The following UBXN4 variants were observed in gnomAD, a reference collection of about 807,000 sequenced individuals.
UBXN4 encodes UBX domain protein 4.
Under a neutral mutation model 66.2 loss-of-function variants are expected in UBXN4, and 35 were observed. The ratio of observed to expected loss-of-function variants is 0.53; its 90% CI spans 0.40 to 0.70. The LOEUF is 0.70. UBXN4 is among the 30% of genes least tolerant of loss of function. UBXN4 has a pLI of 0.00. For synonymous variants in UBXN4, 203 were observed against 204.5 expected (o/e 0.99, Z 0.06); for missense variants, 533 against 599.8 (o/e 0.89, Z 1.16).
chr2:135,777,472 T>G (rs928409712), intron 10 of UBXN4, among the ~76,000 whole-genome samples: 1 of 152,178 alleles, frequency 6.6e-6, no homozygotes, highest in African/African-American at 2.4e-5. Context: ...CCCAAATAGG[T>G]GCTTTCATTC....
rs772327359 is a variant in UBXN4, at chr2:135,778,966, G to A, written c.1072G>A (p.Gly358Ser). ...TTTACAGACTGTTGGCAACACTTAC[G>A]GTAATTTTTCGTTAGCAACCATGTT... The part of the protein sequence containing the change: ...FAAQTVGNTY[G>S]NFSLATMFPR... Residue 358 changes from glycine to serine, a missense_variant, in exon 11 of 13, where the codon GGT becomes AGT. By Grantham distance (56) the Gly-to-Ser change is moderately conservative (BLOSUM62 0). Transcript: ENST00000272638. The A allele has an allele frequency of 1.9e-5, 30 of 1,611,988 alleles. No individual in the cohort carries two copies. In the East Asian group the frequency reaches 3.8e-4, roughly 20 times the overall value.
At chr2:135,754,792 T>C (rs1434910742) in intron 4 of UBXN4, among the ~76,000 whole-genome samples, 1 of 152,076 alleles carries the variant, frequency 6.6e-6, no homozygotes, top group Non-Finnish European at 1.5e-5. Context: ...CCTTTCTTTA[T>C]TTTTTTATTT....
chr2:135,762,545 TAGAG>T (rs915659557), intron 6 of UBXN4, among the ~76,000 whole-genome samples: 2 of 152,204 alleles, frequency 1.3e-5, no homozygotes, highest in African/African-American at 2.4e-5. Context: ...AAACCTTCCT[TAGAG>T]AGACTTGATA....
chr2:135,747,292 G>T (rs1354825920), intron 1 of UBXN4, among the ~76,000 whole-genome samples: 1 of 139,360 alleles, frequency 7.2e-6, no homozygotes, highest in African/African-American at 2.7e-5. Flanking sequence ...AGATTGCAAT[G>T]AGCCAAGATT....
In UBXN4 at chr2:135,784,426, A is replaced by G. The variant is rs541361937; in HGVS notation, c.*1539A>G. ...GTACAGTGTGATCTCAGCTTTGCAA[A>G]CACATTTTCTACATAGATAGTACTA... On this transcript the variant is annotated 3_prime_UTR_variant, in exon 13 of 13. Coordinates refer to ENST00000272638, the MANE Select transcript of UBXN4 (RefSeq NM_014607.4). 6.6e-6 allele frequency: 1 copy of G among 152,276 alleles called. No homozygotes were observed. Among genetic ancestry groups the G allele is most frequent in the South Asian group, 2.1e-4 (1 of 4,830 alleles). The allele number at this position is 152,276 out of a possible 1,614,324, so 9.4% of individuals were successfully genotyped here.
chr2:135,779,465 C>T (rs2077436691), intron 11 of UBXN4, among the ~76,000 whole-genome samples: 1 of 152,138 alleles, frequency 6.6e-6, no homozygotes, highest in African/African-American at 2.4e-5. Flanking sequence ...ATTTGATCTG[C>T]ACAACAATAT....
rs199762434 is a variant in UBXN4 at position 135,778,143 on chromosome 2, C to G, written c.1054-805C>G. 2.0e-5 allele frequency among the ~76,000 whole-genome samples: 3 copies of G among 146,842 alleles called. No individual in the cohort carries two copies. In the East Asian group the frequency reaches 6.0e-4, roughly 30 times the overall value. ...AGTGAGCCAAGATCGCGCCACTGCACTCCAGCCTGGGCGACAGAGCAAGAC... is the reference window on the plus strand; with the variant it reads ...AGTGAGCCAAGATCGCGCCACTGCAGTCCAGCCTGGGCGACAGAGCAAGAC... On this transcript the variant is annotated intron_variant, in intron 10 of 12. Transcript: ENST00000272638.
chr2:135,753,080 A>G (rs1176901067), intron 2 of UBXN4, among the ~76,000 whole-genome samples: 3 of 133,914 alleles, frequency 2.2e-5, no homozygotes, highest in East Asian at 4.6e-4. Context: ...CTGGAGTGCA[A>G]TGGTGCAATC....
In UBXN4 at chr2:135,742,030, C is replaced by T. The variant is rs2077177114; in HGVS notation, c.82+19C>T. The T allele has an allele frequency of 1.9e-6, 3 of 1,610,860 alleles. No homozygotes were observed. Among genetic ancestry groups the T allele is most frequent in the Non-Finnish European group, 2.5e-6 (3 of 1,178,748 alleles). On this transcript the variant is annotated intron_variant, in intron 1 of 12. Coordinates refer to ENST00000272638, the MANE Select transcript of UBXN4 (RefSeq NM_014607.4). ...GTGGCAGGTGAAGGAGGCAGGGGTTCGAGAGGCGGCCGGGACACCCCTCCG... is the reference window on the plus strand; with the variant it reads ...GTGGCAGGTGAAGGAGGCAGGGGTTTGAGAGGCGGCCGGGACACCCCTCCG...
At chr2:135,776,395 T>A in intron 10 of UBXN4, 44 bp downstream of exon 10, 1 of 1,528,822 alleles carries the variant, frequency 6.5e-7, no homozygotes, top group East Asian at 2.3e-5. Flanking sequence ...ATGTGTAGGT[T>A]ACTAAATTAT....
chr2:135,760,566 A>G (rs978968100), intron 5 of UBXN4, among the ~76,000 whole-genome samples: 2 of 152,232 alleles, frequency 1.3e-5, no homozygotes. Flanking sequence ...ATTATGAGTC[A>G]TAGATTCACC....
At position 135,741,952 on chromosome 2, in the gene UBXN4, T is replaced by G. The variant is rs1218761747; in HGVS notation, c.23T>G (p.Ile8Ser). MLWFQGA[I>S]PAAIATAKRS... Reference sequence around the variant, plus strand: ...GCGATGCTGTGGTTCCAGGGCGCCATTCCGGCCGCCATCGCGACGGCCAAA... The same window carrying G: ...GCGATGCTGTGGTTCCAGGGCGCCAGTCCGGCCGCCATCGCGACGGCCAAA... Residue 8 changes from isoleucine to serine, a missense_variant, in exon 1 of 13, where the codon ATT becomes AGT. This residue lies in a region of UBXN4 where 529 missense variants were observed against 580.1 expected (regional missense o/e 0.91). Coordinates refer to ENST00000272638, the MANE Select transcript of UBXN4 (RefSeq NM_014607.4). 3 of 1,613,086 alleles carry G rather than the reference T, an allele frequency of 1.9e-6. No homozygotes were observed. Among genetic ancestry groups the G allele is most frequent in the Non-Finnish European group, 1.7e-6 (2 of 1,179,630 alleles).
At chr2:135,753,894 G>C (rs538042745) in intron 3 of UBXN4, 16 of 460,058 alleles carry the variant, frequency 3.5e-5, no homozygotes, top group African/African-American at 2.8e-4. Context: ...GCTTGCAAGA[G>C]GCAGCTGGCA....
chr2:135,750,633 A>G (rs943835825), intron 2 of UBXN4, among the ~76,000 whole-genome samples: 1 of 152,132 alleles, frequency 6.6e-6, no homozygotes, highest in Non-Finnish European at 1.5e-5. Flanking sequence ...CACAACAGTT[A>G]CTGAACTATG....
At chr2:135,758,966 C>T (rs1405891151) in intron 5 of UBXN4, among the ~76,000 whole-genome samples, 5 of 152,078 alleles carry the variant, frequency 3.3e-5, no homozygotes, top group African/African-American at 4.8e-5. Context: ...ACCATGTTGG[C>T]CAGGCTGGCC....
At chr2:135,770,484 T>C in intron 7 of UBXN4, 87 bp from the exon 8 acceptor site, 1 of 902,854 alleles carries the variant, frequency 1.1e-6, no homozygotes, top group Non-Finnish European at 1.6e-6. Flanking sequence ...AGTTTTATTC[T>C]TTTAACTGCA....
intron 1 of UBXN4, chr2:135,748,024 CTTCTT>C (rs1233516707): frequency 2.6e-6 from 1 of 382,496 alleles, no homozygotes; most frequent in African/African-American, 2.1e-5. Context: ...ATTTAGATGG[CTTCTT>C]TTATGAAATA....
At chr2:135,761,990 C>A in intron 6 of UBXN4, 79 bp downstream of exon 6, 1 of 1,380,080 alleles carries the variant, frequency 7.2e-7, no homozygotes, top group Non-Finnish European at 9.9e-7. Context: ...TGAATTAAAG[C>A]TAAAGTTATA....
rs2077463170 is a variant in UBXN4 at position 135,783,614 on chromosome 2, G to A, written c.*727G>A. 1 of 152,102 alleles carries A rather than the reference G, an allele frequency of 6.6e-6. No homozygotes were observed. The highest frequency in any genetic ancestry group is 1.5e-5 in the Non-Finnish European group (1 of 68,010). 9.4% of individuals were successfully genotyped at this position (152,102 alleles called of 1,614,324 possible). On this transcript the variant is annotated 3_prime_UTR_variant, in exon 13 of 13. Transcript: ENST00000272638. ...TGATGGCATGTGACTTGTCTCCTAA[G>A]TCAGTGAGGCATCACTTTGTTTGCA...
Sources: allele counts gnomAD v4.1 joint callset (sites outside exome capture counted in the v4.1 genomes callset), GRCh38; gene constraint gnomAD v4.1.1; regional missense constraint gnomAD v4.1.1; transcripts MANE v1.5; gene names NCBI Gene and HGNC (gene_info 2026-07-23, HGNC 2026-07-21).